The following SOX6 variants were observed in gnomAD, a reference collection of about 807,000 sequenced individuals.
The protein encoded by SOX6 is SRY-box transcription factor 6, also known as transcription factor SOX-6.
Under a neutral mutation model 97.8 loss-of-function variants are expected in SOX6, and 11 were observed. The ratio of observed to expected loss-of-function variants is 0.11; its 90% CI spans 0.07 to 0.19. The LOEUF (loss-of-function observed/expected upper bound fraction) is 0.19. Ranked by LOEUF, SOX6 falls within the 10% of genes least tolerant of loss-of-function variation. The pLI, the probability that SOX6 is intolerant of heterozygous loss-of-function variation, is 1.00. For missense variants in SOX6, 810 were observed against 1,039.5 expected, an observed-to-expected ratio of 0.78 and a Z score of 3.04; for synonymous variants, 360 against 371.4, an observed-to-expected ratio of 0.97 and a Z score of 0.35.
chr11:16,092,260 G>C (rs1295016553), intron 9 of SOX6, among the ~76,000 whole-genome samples: 1 of 151,848 alleles, frequency 6.6e-6, no homozygotes, highest in Non-Finnish European at 1.5e-5. Flanking sequence ...TTTTGGGGGG[G>C]ACAGGTTTGA....
At chr11:16,367,051 C>T (rs1057223828) in intron 1 of SOX6, among the ~76,000 whole-genome samples, 1 of 152,040 alleles carries the variant, frequency 6.6e-6, no homozygotes, top group Admixed American at 6.6e-5. Context: ...CTAGTTCATC[C>T]AAAGTGAAGT....
chr11:16,055,882 A>C lies in SOX6; in HGVS notation c.1121T>G (p.Leu374Arg). 1 of 1,613,726 alleles carries C rather than the reference A, an allele frequency of 6.2e-7. No individual in the cohort carries two copies. Among genetic ancestry groups the C allele is most frequent in the East Asian group, 2.2e-5 (1 of 44,880 alleles). ...KQIEQLYAAQ[L>R]ASMQVSPGAK... ...TCCAGGTGACACCTGCATGCTGGCC[A>C]GCTGAGCGGCATAGAGCTGCTGCAA... The change falls in exon 10 of 16, where the codon CTG becomes CGG. Residue 374 changes from leucine to arginine, a missense_variant. Physicochemically the swap from Leu to Arg is moderately radical, Grantham distance 102. Around this residue, in one of 9 missense-constraint regions of SOX6, gnomAD observed 244 missense variants for 261.0 expected, o/e 0.93. Coordinates refer to ENST00000683767, the MANE Select transcript of SOX6 (RefSeq NM_001367873.1).
chr11:16,111,968 A>G, intron 6 of SOX6, 45 bp from the exon 7 acceptor site: 1 of 1,610,494 alleles, frequency 6.2e-7, no homozygotes, highest in South Asian at 1.1e-5. Flanking sequence ...GAGCAAATGT[A>G]TGCCAAGAAG....
intron 4 of SOX6, among the ~76,000 whole-genome samples, chr11:16,597,380 T>G (rs2133975732): frequency 6.6e-6 from 1 of 151,684 alleles, no homozygotes; most frequent in South Asian, 2.1e-4. Flanking sequence ...AGCTTCAAAC[T>G]TAACCTTTCT....
chr11:16,717,953 CTTT>C (rs36059733), intron 2 of SOX6, among the ~76,000 whole-genome samples: 14 of 134,776 alleles, frequency 1.0e-4, no homozygotes, highest in Admixed American at 8.8e-4. Flanking sequence ...TCCTGTTTTT[CTTT>C]TTTTTTTTTT....
chr11:16,663,029 A>G (rs953189212), intron 3 of SOX6, among the ~76,000 whole-genome samples: 3 of 151,894 alleles, frequency 2.0e-5, no homozygotes, highest in African/African-American at 4.8e-5. Flanking sequence ...ATCCATTCCC[A>G]AGGGTCTCAG....
chr11:16,002,450 C>T (rs1191375750), intron 13 of SOX6, among the ~76,000 whole-genome samples: 2 of 152,056 alleles, frequency 1.3e-5, no homozygotes, highest in African/African-American at 4.8e-5. Context: ...AAACAGAGTC[C>T]TTTATCTTAT....
Position 16,527,302 on chromosome 11 carries a change from T to C in SOX6, n.610-50914A>G, listed in dbSNP as rs185887963. On this transcript the variant is annotated intron_variant and non_coding_transcript_variant, in intron 4 of 5. Coordinates refer to the SOX6 transcript ENST00000524520. Reference sequence around the variant, plus strand: ...ACTTTCTAATATTTAACTATTTCTTTACTCTTTTTTGTTGCAACCCTCAGC... The same window carrying C: ...ACTTTCTAATATTTAACTATTTCTTCACTCTTTTTTGTTGCAACCCTCAGC... 2.6e-5 allele frequency among the ~76,000 whole-genome samples: 4 copies of C among 152,310 alleles called. No individual in the cohort carries two copies. In the East Asian group the frequency reaches 5.8e-4, roughly 22 times the overall value.
chr11:16,075,042 C>T (rs1319974990), intron 9 of SOX6, among the ~76,000 whole-genome samples: 1 of 151,998 alleles, frequency 6.6e-6, no homozygotes, highest in East Asian at 1.9e-4. Flanking sequence ...GACACATAGA[C>T]CAATGGAACA....
intron 4 of SOX6, among the ~76,000 whole-genome samples, chr11:16,193,364 C>T (rs1045608642): frequency 6.6e-6 from 1 of 151,714 alleles, no homozygotes; most frequent in Non-Finnish European, 1.5e-5. Flanking sequence ...AGGGTGAGAT[C>T]CTGTCTTTAA....
intron 3 of SOX6, among the ~76,000 whole-genome samples, chr11:16,671,568 T>C (rs7118181): frequency 0.27 from 40,707 of 151,742 alleles, 6,095 homozygotes; most frequent in East Asian, 0.48. Context: ...AGACTGACTC[T>C]CTGAAATAGG....
At chr11:16,287,667 A>C (rs568666179) in intron 3 of SOX6, among the ~76,000 whole-genome samples, 3 of 152,168 alleles carry the variant, frequency 2.0e-5, no homozygotes, top group South Asian at 4.1e-4. Flanking sequence ...TTACACTCAA[A>C]ATTTTTATGA....
Position 16,455,279 on chromosome 11 carries a change from AT to A in SOX6, c.-5+21035del, listed in dbSNP as rs556869155. 9.6e-4 allele frequency among the ~76,000 whole-genome samples: 146 copies of A among 152,112 alleles called. 1 individual carries two copies. The South Asian group carries it at 0.029, about 30-fold the overall frequency. On this transcript the variant is annotated intron_variant, in intron 1 of 15. Coordinates refer to the SOX6 transcript ENST00000396356. ...AAACCACAGTTTATCACCACAAAAA[AT>A]TTTTTTAAATATTTTAAAAGTATAA...
At chr11:16,359,669 G>A (rs1354250585), upstream of SOX6, among the ~76,000 whole-genome samples, 1 of 152,062 alleles carries the variant, frequency 6.6e-6, no homozygotes, top group African/African-American at 2.4e-5. Flanking sequence ...CTCTACAAAT[G>A]CCACTGATAA....
intron 3 of SOX6, among the ~76,000 whole-genome samples, chr11:16,658,917 A>C (rs2134018004): frequency 6.7e-6 from 1 of 148,938 alleles, no homozygotes; most frequent in Middle Eastern, 3.4e-3. Context: ...TTTTTAAAAA[A>C]AGAAGTTCTT....
At chr11:16,099,403 T>TA (rs992114285) in intron 7 of SOX6, among the ~76,000 whole-genome samples, 1 of 151,752 alleles carries the variant, frequency 6.6e-6, no homozygotes, top group Non-Finnish European at 1.5e-5. Flanking sequence ...TATCAAGTTT[T>TA]AAAAAAATCA....
At position 16,270,392 on chromosome 11, in the gene SOX6, G is replaced by A. The variant is rs182862389; in HGVS notation, c.446-35721C>T. Among the ~76,000 whole-genome samples, 211 of 151,366 alleles carry A rather than the reference G, an allele frequency of 1.4e-3. 1 individual carries two copies. The highest frequency in any genetic ancestry group is 1.3e-3 in the Admixed American group (20 of 15,148). Reference sequence around the variant, plus strand: ...AAAAATTGGAATCCTCCTACATTGCGGGGGAGGCGAGGAATAAATTGGTGT... The same window carrying A: ...AAAAATTGGAATCCTCCTACATTGCAGGGGAGGCGAGGAATAAATTGGTGT... On this transcript the variant is annotated intron_variant, in intron 3 of 15. Transcript: ENST00000683767.
intron 2 of SOX6, among the ~76,000 whole-genome samples, chr11:16,328,967 G>A (rs758734374): frequency 9.9e-5 from 15 of 151,996 alleles, no homozygotes; most frequent in Non-Finnish European, 1.6e-4. Flanking sequence ...CATGACAAAA[G>A]TATCATTTTT....
intron 4 of SOX6, among the ~76,000 whole-genome samples, chr11:16,525,828 A>G (rs1289393090): frequency 1.3e-5 from 2 of 152,124 alleles, no homozygotes; most frequent in South Asian, 2.1e-4. Flanking sequence ...CGAAGGATAT[A>G]AACAGACACT....
Sources: allele counts gnomAD v4.1 joint callset (sites outside exome capture counted in the v4.1 genomes callset), GRCh38; gene constraint gnomAD v4.1.1; regional missense constraint gnomAD v4.1.1; transcripts MANE v1.5; gene names NCBI Gene and HGNC (gene_info 2026-07-23, HGNC 2026-07-21).